ADAMTS9: variants seen among roughly 807,000 people sequenced by gnomAD.
ADAMTS9 encodes ADAM metallopeptidase with thrombospondin type 1 motif 9.
In ADAMTS9, 107 loss-of-function variants were observed where a neutral mutation model predicts 257.1. The ratio of observed to expected loss-of-function variants is 0.42; its 90% CI spans 0.36 to 0.49. The LOEUF (loss-of-function observed/expected upper bound fraction) is 0.49, where lower values mean the gene tolerates loss of function less well. ADAMTS9 is among the 20% of genes least tolerant of loss of function. ADAMTS9 has a pLI of 0.03. For missense variants in ADAMTS9, 2,353 were observed against 2,469.1 expected (o/e 0.95, Z 1.00); for synonymous variants, 982 against 880.9 (o/e 1.11, Z -2.03).
intron 28 of ADAMTS9, among the ~76,000 whole-genome samples, chr3:64,581,452 G>A (rs77137116): frequency 0.07 from 10,644 of 152,098 alleles, 598 homozygotes; most frequent in East Asian, 0.23. Context: ...TGGTAGAGAT[G>A]GGATTTCACC....
intron 29 of ADAMTS9, among the ~76,000 whole-genome samples, chr3:64,564,885 A>T (rs2083504045): frequency 6.6e-6 from 1 of 152,192 alleles, no homozygotes; most frequent in East Asian, 1.9e-4. Context: ...AGAGATAATC[A>T]CCCGAACTCA....
chr3:64,631,509 T>C lies in ADAMTS9; in HGVS notation c.2335A>G (p.Ile779Val). ...GAGAAACTGTGCTGCCGCACATCAA[T>C]ATTGGTAGCACCAGCTGGAATTCGG... is the stretch of plus-strand genomic sequence containing the variant. ...VVRIPAGATN[I>V]DVRQHSFSGE... Residue 779 changes from isoleucine to valine, a missense_variant, in exon 16 of 40, where the codon ATT (isoleucine) becomes GTT (valine). Transcript: ENST00000498707. The C allele has an allele frequency of 1.2e-6, 2 of 1,614,098 alleles. No homozygotes were observed. The highest frequency in any genetic ancestry group is 2.2e-5 in the South Asian group (2 of 91,090).
intron 30 of ADAMTS9, among the ~76,000 whole-genome samples, chr3:64,557,878 A>T (rs1401788284): frequency 2.0e-5 from 3 of 152,156 alleles, no homozygotes; most frequent in African/African-American, 7.2e-5. Flanking sequence ...TCTCTTGTCC[A>T]ATTATTCTAC....
chr3:64,672,723 A>G lies in ADAMTS9; in HGVS notation c.679+8478T>C, dbSNP rs572370397. The stretch of plus-strand genomic sequence containing the variant: ...AGGTTTTGGGGAATACGCATATTTC[A>G]TATGTCAATGAGTTCTAATCTCAGG... On this transcript the variant is annotated intron_variant, in intron 3 of 39. Coordinates refer to ENST00000498707, the MANE Select transcript of ADAMTS9 (RefSeq NM_182920.2). Among the ~76,000 whole-genome samples, 4 of 152,320 alleles carry G rather than the reference A, an allele frequency of 2.6e-5. No individual in the cohort carries two copies. The South Asian group carries it at 8.3e-4, about 32-fold the overall frequency.
chr3:64,587,331 A>G (rs2084175988), intron 28 of ADAMTS9: 1 of 152,196 alleles, frequency 6.6e-6, no homozygotes. Context: ...TTTCTCCCCA[A>G]TTTATTTTTA....
chr3:64,595,104 C>A (rs1393666580), intron 27 of ADAMTS9, among the ~76,000 whole-genome samples: 1 of 149,666 alleles, frequency 6.7e-6, no homozygotes, highest in Non-Finnish European at 1.5e-5. Context: ...AATAGACAAA[C>A]AAAAACTACC....
chr3:64,623,534 T>C (rs1025823280), intron 16 of ADAMTS9, among the ~76,000 whole-genome samples: 2 of 152,178 alleles, frequency 1.3e-5, no homozygotes, highest in African/African-American at 4.8e-5. Context: ...TATATGCTGC[T>C]CCCAAATTCC....
chr3:64,531,491 G>C (rs1167648414), intron 38 of ADAMTS9, among the ~76,000 whole-genome samples: 1 of 150,878 alleles, frequency 6.6e-6, no homozygotes, highest in Non-Finnish European at 1.5e-5. Context: ...AAAAAGAGAT[G>C]GTGTCTCACT....
chr3:64,564,857 TAAATA>T (rs1026691259), intron 29 of ADAMTS9, among the ~76,000 whole-genome samples: 7 of 151,976 alleles, frequency 4.6e-5, no homozygotes, highest in African/African-American at 1.7e-4. Context: ...ACTTCATAAA[TAAATA>T]AAACAAAAAA....
chr3:64,613,588 G>A (rs1397807247), intron 21 of ADAMTS9, 79 bp from the exon 22 acceptor site: 1 of 1,409,194 alleles, frequency 7.1e-7, no homozygotes, highest in South Asian at 1.4e-5. Context: ...TTGATGAGTA[G>A]GAACAGGTGT....
intron 32 of ADAMTS9, among the ~76,000 whole-genome samples, chr3:64,546,352 C>G (rs28379730): frequency 8.3e-4 from 126 of 151,902 alleles, no homozygotes; most frequent in African/African-American, 2.0e-3. Flanking sequence ...GGTGTCATAT[C>G]GACACTAAAA....
chr3:64,604,346 G>A lies in ADAMTS9; in HGVS notation c.3475-15C>T. On this transcript the variant is annotated splice_polypyrimidine_tract_variant and intron_variant, in intron 23 of 39. Transcript: ENST00000498707. ...AATTCACAGTCCTAGACGTGATGGG[G>A]GAAAAAAAAACAAAGTCACTTTCAA... 2 of 1,535,574 alleles carry A rather than the reference G, an allele frequency of 1.3e-6. No homozygotes were observed. The highest frequency in any genetic ancestry group is 1.2e-5 in the South Asian group (1 of 80,320).
intron 3 of ADAMTS9, among the ~76,000 whole-genome samples, chr3:64,662,390 C>A (rs1006404258): frequency 6.6e-6 from 1 of 152,014 alleles, no homozygotes; most frequent in African/African-American, 2.4e-5. Flanking sequence ...TGTGGGGTAA[C>A]GTGTCCAATA....
chr3:64,642,834 C>A (rs1700687962), intron 11 of ADAMTS9, among the ~76,000 whole-genome samples: 2 of 152,044 alleles, frequency 1.3e-5, no homozygotes, highest in Admixed American at 1.3e-4. Flanking sequence ...CGTGATTTAT[C>A]CCCAGGGAGG....
intron 3 of ADAMTS9, among the ~76,000 whole-genome samples, chr3:64,675,212 A>G (rs577169571): frequency 6.6e-6 from 1 of 152,170 alleles, no homozygotes; most frequent in South Asian, 2.1e-4. Flanking sequence ...CAGTTTTCCA[A>G]TCTGCAAAAT....
At chr3:64,602,341 C>T (rs2084478983) in intron 25 of ADAMTS9, 128 bp from the exon 26 acceptor site, 3 of 983,494 alleles carry the variant, frequency 3.1e-6, no homozygotes, top group Admixed American at 2.5e-5. Flanking sequence ...CTTGGAATCA[C>T]CCTTGTCTCC....
chr3:64,652,923 T>C (rs1312226728), intron 8 of ADAMTS9, among the ~76,000 whole-genome samples: 1 of 152,220 alleles, frequency 6.6e-6, no homozygotes, highest in Non-Finnish European at 1.5e-5. Flanking sequence ...CTTTGTTTCA[T>C]GCATAAAATT....
At position 64,654,598 on chromosome 3, in the gene ADAMTS9, C is replaced by T; in HGVS notation, c.1184G>A (p.Arg395Lys). 1.2e-6 allele frequency: 2 copies of T among 1,614,122 alleles called. No individual in the cohort carries two copies. The highest frequency in any genetic ancestry group is 2.2e-5 in the East Asian group (1 of 44,878). Residue 395 changes from arginine to lysine, a missense_variant, in exon 7 of 40, where the codon AGA becomes AAA. Arg to Lys is a conservative substitution (Grantham distance 26). This residue lies in a region of ADAMTS9 where 591 missense variants were observed against 569.6 expected (regional missense o/e 1.04). Transcript: ENST00000498707. ...AVLLTRQDICRAHDKCDTLGL... is the reference protein window; with the variant it reads ...AVLLTRQDICKAHDKCDTLGL... ...TAAGGTATCACATTTGTCGTGAGCT[C>T]TGCAGATATCCTGTCTGAAAGCAAA...
intron 29 of ADAMTS9, among the ~76,000 whole-genome samples, chr3:64,565,030 G>C (rs1050993546): frequency 6.6e-6 from 1 of 152,180 alleles, no homozygotes; most frequent in African/African-American, 2.4e-5. Flanking sequence ...AGGTCAGTGA[G>C]GGTGTGGGTG....
Sources: gnomAD v4.1 joint callset for allele counts (sites outside exome capture counted in the v4.1 genomes callset) on GRCh38, gnomAD v4.1.1 for gene constraint, gnomAD v4.1.1 regional missense constraint, MANE v1.5 for transcripts, NCBI Gene and HGNC (gene_info 2026-07-23, HGNC 2026-07-21) for gene names.